The following NR5A1 variants were observed in gnomAD, a reference collection of about 807,000 sequenced individuals.
NR5A1 encodes the protein nuclear receptor subfamily 5 group A member 1.
NR5A1 carries 6 observed loss-of-function variants against 42.7 expected under a neutral mutation model. That is an observed-to-expected ratio of 0.14 (90% CI 0.08 to 0.28). The LOEUF (loss-of-function observed/expected upper bound fraction) is 0.28, where lower values mean the gene tolerates loss of function less well. Ranked by LOEUF, NR5A1 falls within the 10% of genes least tolerant of loss-of-function variation. The probability of loss-of-function intolerance (pLI) is 1.00; values close to 1 mark genes in which losing one functional copy is unlikely to be tolerated. For missense variants in NR5A1, 442 were observed against 626.4 expected, an observed-to-expected ratio of 0.71 and a Z score of 3.14; for synonymous variants, 274 against 277.5, an observed-to-expected ratio of 0.99 and a Z score of 0.12.
chr9:124,493,300 A>C (rs749660458), intron 4 of NR5A1, 151 bp from the exon 5 acceptor site: 119 of 1,072,404 alleles, frequency 1.1e-4, no homozygotes, highest in Non-Finnish European at 1.5e-4. Context: ...CTAGGCTATC[A>C]AAGTGCAACA....
intron 1 of NR5A1, among the ~76,000 whole-genome samples, chr9:124,504,347 G>C (rs895367889): frequency 6.6e-6 from 1 of 152,184 alleles, no homozygotes; most frequent in Non-Finnish European, 1.5e-5. Flanking sequence ...GGCCCCGCAG[G>C]GTCGGACCCA....
chr9:124,505,778 G>C (rs1054139909), intron 1 of NR5A1, among the ~76,000 whole-genome samples: 1 of 152,216 alleles, frequency 6.6e-6, no homozygotes, highest in South Asian at 2.1e-4. Flanking sequence ...CTCACGGGGG[G>C]GTGGGGCGAG....
chr9:124,493,954 A>C (rs1832352932), intron 4 of NR5A1, among the ~76,000 whole-genome samples: 1 of 152,092 alleles, frequency 6.6e-6, no homozygotes. Flanking sequence ...CGCCACCCGG[A>C]AAGGGCAAGA....
intron 5 of NR5A1, 117 bp downstream of exon 5, chr9:124,492,913 T>G: frequency 8.2e-7 from 1 of 1,223,780 alleles, no homozygotes; most frequent in Non-Finnish European, 1.1e-6. Flanking sequence ...GGCTGATAAT[T>G]AGGGTGCCCA....
intron 4 of NR5A1, among the ~76,000 whole-genome samples, chr9:124,493,402 C>T (rs772097012): frequency 6.6e-5 from 10 of 152,190 alleles, no homozygotes; most frequent in Non-Finnish European, 2.9e-5. Flanking sequence ...TTACGTAAGT[C>T]CTGGTAACCT....
intron 6 of NR5A1, among the ~76,000 whole-genome samples, chr9:124,484,675 A>AC (rs932350812): frequency 5.9e-5 from 9 of 152,186 alleles, no homozygotes; most frequent in African/African-American, 2.2e-4. Flanking sequence ...AATCAGGTGA[A>AC]CCCGGGAGGT....
chr9:124,484,971 G>T (rs1832186149), intron 6 of NR5A1, among the ~76,000 whole-genome samples: 1 of 152,138 alleles, frequency 6.6e-6, no homozygotes, highest in Non-Finnish European at 1.5e-5. Flanking sequence ...GAGACAGAAA[G>T]TAAAATGTCT....
At chr9:124,489,562 C>T (rs1418695223) in intron 6 of NR5A1, among the ~76,000 whole-genome samples, 9 of 152,224 alleles carry the variant, frequency 5.9e-5, no homozygotes. Context: ...CACACAGACC[C>T]CCACCACGCA....
chr9:124,488,915 C>T (rs1832262237), intron 6 of NR5A1, among the ~76,000 whole-genome samples: 1 of 152,270 alleles, frequency 6.6e-6, no homozygotes, highest in African/African-American at 2.4e-5. Flanking sequence ...CTGTTCCAGC[C>T]CAGCACTGGA....
chr9:124,490,330 T>C (rs550483680), intron 6 of NR5A1, among the ~76,000 whole-genome samples: 2 of 152,280 alleles, frequency 1.3e-5, no homozygotes, highest in South Asian at 2.1e-4. Flanking sequence ...GTCCTCAGCA[T>C]CTCTGGGCAT....
Position 124,503,245 on chromosome 9 carries a change from G to A in NR5A1, c.103-25C>T, listed in dbSNP as rs1554721873. The A allele has an allele frequency of 2.5e-6, 4 of 1,602,064 alleles. No individual in the cohort carries two copies. The Admixed American group carries it at 6.8e-5, about 27-fold the overall frequency. ...CCTGCGGGAGCTGAGAGTCAGCGAG[G>A]CCCCGCAGCGCCCGTCTGCCGCACC... On this transcript the variant is annotated intron_variant, in intron 2 of 6. Coordinates refer to ENST00000373588, the MANE Select transcript of NR5A1 (RefSeq NM_004959.5). This position sits in a 1 kb window ranked among gnomAD's most constrained non-coding sequence, Gnocchi z 9.6.
Position 124,483,127 on chromosome 9 carries a change from C to T in NR5A1, c.1139-122G>A. 3 of 1,591,254 alleles carry T rather than the reference C, an allele frequency of 1.9e-6. No homozygotes were observed. The South Asian group carries it at 3.3e-5, about 18-fold the overall frequency. On this transcript the variant is annotated intron_variant, in intron 6 of 6. Transcript: ENST00000373588. ...ATGACCATCAAAGACATGGGCATTG[C>T]TGCCACCAACCATGCAACATGGTCT...
intron 5 of NR5A1, among the ~76,000 whole-genome samples, chr9:124,492,280 G>A (rs77661229): frequency 0.012 from 1,790 of 149,096 alleles, 38 homozygotes; most frequent in African/African-American, 0.042. Context: ...ATCTCTCCAG[G>A]TGAGTCTTCC....
Position 124,482,287 on chromosome 9 carries a change from T to G in NR5A1, c.*471A>C. The G allele has an allele frequency of 4.2e-6, 1 of 235,820 alleles. No homozygotes were observed. The highest frequency in any genetic ancestry group is 5.1e-5 in the Admixed American group (1 of 19,590). The allele number at this position is 235,820 out of a possible 1,614,324, so 14.6% of individuals were successfully genotyped here. A position where few individuals can be genotyped will look rare whatever the true frequency, so the allele number is the denominator to read the frequency against. ...AAAACAGAGGCTCTCCCTCCTGGTCTCTATGGGGGGAACACTGGAGACCCT... is the reference window on the plus strand; with the variant it reads ...AAAACAGAGGCTCTCCCTCCTGGTCGCTATGGGGGGAACACTGGAGACCCT... On this transcript the variant is annotated 3_prime_UTR_variant, in exon 7 of 7. Coordinates refer to ENST00000373588, the MANE Select transcript of NR5A1 (RefSeq NM_004959.5).
rs998270832 is a variant in NR5A1 at position 124,481,490 on chromosome 9, C to G, written c.*1268G>C. ...GCGGGACGGACAGCAGGCACCCCGCCGGGGACAGGAGACAGCCGAGGCCTC... is the reference window on the plus strand; with the variant it reads ...GCGGGACGGACAGCAGGCACCCCGCGGGGGACAGGAGACAGCCGAGGCCTC... On this transcript the variant is annotated 3_prime_UTR_variant, in exon 7 of 7. Coordinates refer to ENST00000373588, the MANE Select transcript of NR5A1 (RefSeq NM_004959.5). The G allele has an allele frequency of 6.6e-6, 1 of 152,276 alleles. No individual in the cohort carries two copies. The highest frequency in any genetic ancestry group is 1.5e-5 in the Non-Finnish European group (1 of 68,160). The allele number at this position is 152,276 out of a possible 1,614,324, so 9.4% of individuals were successfully genotyped here. A position where few individuals can be genotyped will look rare whatever the true frequency, so the allele number is the denominator to read the frequency against.
At chr9:124,493,201 C>A (rs1408323146) in intron 4 of NR5A1, 52 bp from the exon 5 acceptor site, 2 of 1,577,504 alleles carry the variant, frequency 1.3e-6, no homozygotes, top group Non-Finnish European at 1.7e-6. Context: ...GTCCAGGGAC[C>A]TTCCTCTCAC....
intron 4 of NR5A1, among the ~76,000 whole-genome samples, chr9:124,494,992 T>G (rs977465924): frequency 1.3e-5 from 2 of 152,208 alleles, no homozygotes; most frequent in Admixed American, 6.5e-5. Flanking sequence ...CCCTGGGGCC[T>G]GTGTCCTCAG....
intron 1 of NR5A1, among the ~76,000 whole-genome samples, chr9:124,504,024 C>CGAGAGAGAGAGAGAGAG (rs1554721940): frequency 9.4e-6 from 1 of 105,910 alleles, no homozygotes; most frequent in African/African-American, 5.9e-5. Flanking sequence ...GACAGGGAGA[C>CGAGAGAGAGAGAGAGAG]AGAGAGAGAG....
intron 1 of NR5A1, among the ~76,000 whole-genome samples, chr9:124,505,811 G>C (rs1399788699): frequency 6.6e-6 from 1 of 152,204 alleles, no homozygotes; most frequent in African/African-American, 2.4e-5. Context: ...GGGCGGTCTT[G>C]GGGACAAAGG....
Sources: gnomAD v4.1 joint callset for allele counts (sites outside exome capture counted in the v4.1 genomes callset) on GRCh38, gnomAD v4.1.1 for gene constraint, Gnocchi (gnomAD v3.1) non-coding constraint, MANE v1.5 for transcripts, NCBI Gene and HGNC (gene_info 2026-07-23, HGNC 2026-07-21) for gene names.